DOK6: variants seen among roughly 807,000 people sequenced by gnomAD.
DOK6 encodes downstream of tyrosine kinase 6.
DOK6 carries 22 observed loss-of-function variants against 44.0 expected under a neutral mutation model. The observed-to-expected ratio is 0.50, with a 90% CI of 0.36 to 0.71. The LOEUF (loss-of-function observed/expected upper bound fraction) is 0.71, where lower values mean the gene tolerates loss of function less well. Among genes scored for constraint, DOK6 ranks in the 30% least tolerant of loss-of-function variants. The pLI is 0.00. For synonymous variants in DOK6, 166 were observed against 145.5 expected (o/e 1.14, Z -1.01); for missense variants, 340 against 416.4 (o/e 0.82, Z 1.60).
chr18:69,613,033 G>A (rs2144632653), intron 3 of DOK6, among the ~76,000 whole-genome samples: 1 of 151,942 alleles, frequency 6.6e-6, no homozygotes, highest in Middle Eastern at 3.4e-3. Context: ...ACCATGCCCG[G>A]CTAATTTTTG....
At chr18:69,514,241 T>C (rs1981453557) in intron 1 of DOK6, among the ~76,000 whole-genome samples, 1 of 139,996 alleles carries the variant, frequency 7.1e-6, no homozygotes, top group Non-Finnish European at 1.6e-5. Context: ...AAGATAAAAA[T>C]GTAAATGAGT....
intron 7 of DOK6, among the ~76,000 whole-genome samples, chr18:69,818,034 A>G (rs1568135034): frequency 6.6e-6 from 1 of 152,192 alleles, no homozygotes; most frequent in Non-Finnish European, 1.5e-5. Context: ...CAAACAAAAC[A>G]TACACCATAC....
chr18:69,478,095 A>C lies in DOK6; in HGVS notation c.66+76785A>C, dbSNP rs75537806. On this transcript the variant is annotated intron_variant, in intron 1 of 7. Coordinates refer to ENST00000382713, the MANE Select transcript of DOK6 (RefSeq NM_152721.6). ...AAGTATTAATGTTCATTGCATTGAT[A>C]AACTAATCTGTACTTCACAAAATAC... 2.4e-3 allele frequency among the ~76,000 whole-genome samples: 373 copies of C among 152,356 alleles called. 3 individuals are homozygous for C. The East Asian group carries it at 0.03, about 12-fold the overall frequency.
intron 5 of DOK6, among the ~76,000 whole-genome samples, chr18:69,714,835 G>A (rs1261375855): frequency 2.0e-5 from 3 of 152,058 alleles, no homozygotes; most frequent in Non-Finnish European, 2.9e-5. Flanking sequence ...ATAAATTTAG[G>A]TAAGTTGGAT....
At chr18:69,602,457 C>A (rs559650130) in intron 3 of DOK6, among the ~76,000 whole-genome samples, 3 of 152,224 alleles carry the variant, frequency 2.0e-5, no homozygotes, top group Non-Finnish European at 4.4e-5. Context: ...CTGTCCCAAC[C>A]AAGAGGGAGC....
At chr18:69,559,601 A>G (rs1236569845) in intron 1 of DOK6, among the ~76,000 whole-genome samples, 1 of 152,126 alleles carries the variant, frequency 6.6e-6, no homozygotes, top group Non-Finnish European at 1.5e-5. Context: ...AACTACCACA[A>G]CCAGCACTAT....
At chr18:69,640,049 C>A (rs1274360232) in intron 3 of DOK6, among the ~76,000 whole-genome samples, 1 of 152,158 alleles carries the variant, frequency 6.6e-6, no homozygotes, top group Non-Finnish European at 1.5e-5. Context: ...TCCCCTGACT[C>A]CAGCCTTTCT....
chr18:69,563,745 T>C (rs1982899280), intron 1 of DOK6, among the ~76,000 whole-genome samples: 1 of 151,896 alleles, frequency 6.6e-6, no homozygotes, highest in Admixed American at 6.6e-5. Context: ...GGCACATGTA[T>C]ACATATGTAA....
chr18:69,836,167 T>G (rs995303963), intron 7 of DOK6, among the ~76,000 whole-genome samples: 1 of 152,218 alleles, frequency 6.6e-6, no homozygotes, highest in Non-Finnish European at 1.5e-5. Context: ...GATTGTTATT[T>G]TCTACTGAAT....
chr18:69,469,367 G>C (rs1357353937), intron 1 of DOK6: 2 of 151,490 alleles, frequency 1.3e-5, no homozygotes, highest in Non-Finnish European at 2.9e-5. Context: ...TCAAATGCAA[G>C]ACATTTTAAC....
intron 7 of DOK6, among the ~76,000 whole-genome samples, chr18:69,779,689 CGTGTGTGTGTGT>C (rs58775349): frequency 6.8e-6 from 1 of 146,768 alleles, no homozygotes; most frequent in South Asian, 2.2e-4. Context: ...CTCTCTGCCC[CGTGTGTGTGTGT>C]GTGTGTGTGT....
chr18:69,647,791 G>A (rs892729309), intron 3 of DOK6, among the ~76,000 whole-genome samples: 1 of 152,068 alleles, frequency 6.6e-6, no homozygotes, highest in East Asian at 1.9e-4. Context: ...ATCCCATAGA[G>A]CAACTCCATG....
Position 69,550,203 on chromosome 18 carries a change from G to A in DOK6, c.67-14284G>A, listed in dbSNP as rs1004377388. ...TGCGTCTACAAAATTCTATTACTAA[G>A]AAGCAAAGCCATCATTTTTAGGTAT... On this transcript the variant is annotated intron_variant, in intron 1 of 7. Transcript: ENST00000382713. Among the ~76,000 whole-genome samples the A allele has an allele frequency of 2.8e-5, 4 of 143,470 alleles. No individual in the cohort carries two copies. The East Asian group carries it at 7.9e-4, about 28-fold the overall frequency. The allele number at this position is 143,470 out of a possible 152,430, so 94.1% of individuals were successfully genotyped here. A position where few individuals can be genotyped will look rare whatever the true frequency, so the allele number is the denominator to read the frequency against.
rs569452159 is a variant in DOK6 at position 69,804,386 on chromosome 18, T to C, written c.857-36858T>C. Among the ~76,000 whole-genome samples, 37 of 152,320 alleles carry C rather than the reference T, an allele frequency of 2.4e-4. 1 individual carries two copies. The highest frequency in any genetic ancestry group is 7.0e-4 in the African/African-American group (29 of 41,590). On this transcript the variant is annotated intron_variant, in intron 7 of 7. Coordinates refer to ENST00000382713, the MANE Select transcript of DOK6 (RefSeq NM_152721.6). ...ATCTCCTTTCAATTATATTGACAAA[T>C]GGTTTAATTCTTCAATTTACTATGT...
At chr18:69,474,267 C>A (rs1171442411) in intron 1 of DOK6, among the ~76,000 whole-genome samples, 1 of 152,200 alleles carries the variant, frequency 6.6e-6, no homozygotes, top group Admixed American at 6.5e-5. Flanking sequence ...CATCCCCCTT[C>A]CATTCTTCCT....
intron 7 of DOK6, among the ~76,000 whole-genome samples, chr18:69,811,537 T>C (rs1018130066): frequency 0.011 from 231 of 20,234 alleles, 3 homozygotes; most frequent in African/African-American, 0.02. Context: ...TATATATATA[T>C]ATATATATAT....
intron 3 of DOK6, among the ~76,000 whole-genome samples, chr18:69,654,387 GACAC>G (rs147962404): frequency 2.0e-5 from 3 of 152,094 alleles, no homozygotes; most frequent in East Asian, 3.9e-4. Flanking sequence ...TGCAGACACA[GACAC>G]ACACACACAA....
chr18:69,569,589 T>A (rs1295756123), intron 2 of DOK6, among the ~76,000 whole-genome samples: 1 of 152,246 alleles, frequency 6.6e-6, no homozygotes, highest in Non-Finnish European at 1.5e-5. Flanking sequence ...ATGATTCAGA[T>A]TCTGAATTAT....
chr18:69,517,241 A>G (rs1367508783), intron 1 of DOK6, among the ~76,000 whole-genome samples: 1 of 152,190 alleles, frequency 6.6e-6, no homozygotes, highest in Non-Finnish European at 1.5e-5. Context: ...AGATGGATGC[A>G]TTTATATTCA....
Sources: gnomAD v4.1 joint callset for allele counts (sites outside exome capture counted in the v4.1 genomes callset) on GRCh38, gnomAD v4.1.1 for gene constraint, MANE v1.5 for transcripts, NCBI Gene and HGNC (gene_info 2026-07-23, HGNC 2026-07-21) for gene names.